GDPD1: variants seen among roughly 807,000 people sequenced by gnomAD.
The protein encoded by GDPD1 is lysophospholipase D GDPD1.
A neutral mutation model predicts 45.1 loss-of-function variants in GDPD1; 28 were observed. The ratio of observed to expected loss-of-function variants is 0.62; its 90% CI spans 0.46 to 0.85. The LOEUF (loss-of-function observed/expected upper bound fraction) is 0.85. GDPD1 is among the 40% of genes least tolerant of loss of function. The pLI is 0.00. For missense variants in GDPD1, 256 were observed against 364.8 expected (o/e 0.70, Z 2.43); for synonymous variants, 139 against 131.4 (o/e 1.06, Z -0.40).
chr17:59,255,743 C>CAAAAAAAAA (rs1174794003), intron 4 of GDPD1, among the ~76,000 whole-genome samples: 3 of 26,616 alleles, frequency 1.1e-4, no homozygotes, highest in African/African-American at 7.7e-4. Flanking sequence ...AACTCCGTCT[C>CAAAAAAAAA]AAAAAAAAAA....
intron 3 of GDPD1, among the ~76,000 whole-genome samples, chr17:59,246,345 T>C (rs2047210915): frequency 6.6e-6 from 1 of 150,906 alleles, no homozygotes; most frequent in Admixed American, 6.6e-5. Context: ...ATGGCCGGCC[T>C]CGGTGGCTCA....
chr17:59,239,364 G>A (rs1307475561), intron 2 of GDPD1, among the ~76,000 whole-genome samples: 2 of 151,896 alleles, frequency 1.3e-5, no homozygotes, highest in East Asian at 1.9e-4. Flanking sequence ...TTCTGGAAAT[G>A]TTGAAACCTT....
intron 4 of GDPD1, among the ~76,000 whole-genome samples, chr17:59,254,025 A>G (rs1048527874): frequency 6.7e-6 from 1 of 150,090 alleles, no homozygotes; most frequent in East Asian, 2.0e-4. Context: ...ATTCAAGGCC[A>G]ACCTGGCCAA....
chr17:59,270,492 C>A (rs1235643384), intron 7 of GDPD1, among the ~76,000 whole-genome samples: 2 of 152,024 alleles, frequency 1.3e-5, no homozygotes, highest in African/African-American at 2.4e-5. Flanking sequence ...AGCCACCATG[C>A]CTGGCCTACA....
Position 59,234,506 on chromosome 17 carries a change from T to C in GDPD1, c.157T>C (p.Leu53=). The C allele has an allele frequency of 6.2e-7, 1 of 1,600,986 alleles. No homozygotes were observed. Among genetic ancestry groups the C allele is most frequent in the South Asian group, 1.1e-5 (1 of 89,944 alleles). ...ISHRGGAGEN[L]ENTMAAFQHA... is the part of the protein sequence containing the mutation. ...AATTTTCACAGGTGCTGGAGAAAATTTGGAGAATACAATGGCAGCCTTTCA... is the reference window on the plus strand; with the variant it reads ...AATTTTCACAGGTGCTGGAGAAAATCTGGAGAATACAATGGCAGCCTTTCA... Residue 53 remains leucine, a synonymous_variant, in exon 2 of 10, where the codon TTG becomes CTG. Coordinates refer to ENST00000284116, the MANE Select transcript of GDPD1 (RefSeq NM_182569.4).
rs1052080817 is a variant in GDPD1, at chr17:59,275,816, A to C, written c.*2043A>C. ...AGATTGTGAGGTAAATGTAATCTGG[A>C]ATAATAAGTGTCTTTTACCTAGATT... On this transcript the variant is annotated 3_prime_UTR_variant, in exon 10 of 10. Transcript: ENST00000284116. 5 of 152,316 alleles carry C rather than the reference A, an allele frequency of 3.3e-5. No homozygotes were observed. Among genetic ancestry groups the C allele is most frequent in the African/African-American group, 1.2e-4 (5 of 41,450 alleles). 9.4% of individuals were successfully genotyped at this position (152,316 alleles called of 1,614,324 possible).
intron 1 of GDPD1, among the ~76,000 whole-genome samples, chr17:59,224,984 A>G (rs528622420): frequency 2.2e-4 from 34 of 152,188 alleles, no homozygotes; most frequent in Admixed American, 3.9e-4. Context: ...TTGCAAAAAT[A>G]TAAAACAATA....
intron 6 of GDPD1, among the ~76,000 whole-genome samples, chr17:59,261,940 C>T (rs1387295320): frequency 1.7e-5 from 1 of 59,746 alleles, no homozygotes; most frequent in East Asian, 5.1e-4. Flanking sequence ...TTTTTTGAGA[C>T]GGAGTCTCGC....
chr17:59,226,799 C>T (rs1430985457), intron 1 of GDPD1, among the ~76,000 whole-genome samples: 1 of 151,800 alleles, frequency 6.6e-6, no homozygotes, highest in African/African-American at 2.4e-5. Flanking sequence ...CTCAGCCTCC[C>T]GAGTAGTTGG....
At chr17:59,229,316 C>G (rs1174544369) in intron 1 of GDPD1, among the ~76,000 whole-genome samples, 1 of 118,910 alleles carries the variant, frequency 8.4e-6, no homozygotes, top group East Asian at 2.4e-4. Flanking sequence ...CCATGCCTGG[C>G]TAAATTTTTT....
rs370740206 is a variant in GDPD1, at chr17:59,220,623, C to T, written c.14C>T (p.Ala5Val). ...ACGGTGACTGAGATGTCGTCCACTG[C>T]GGCTTTTTACCTTCTCTCTACGCTA... is the stretch of plus-strand genomic sequence containing the variant. MSST[A>V]AFYLLSTLGG... The change falls in exon 1 of 10, where the codon GCG (alanine) becomes GTG (valine). Residue 5 changes from alanine (A) to valine (V), a missense_variant. By Grantham distance (64) the Ala-to-Val change is moderately conservative. Transcript: ENST00000284116. 2.5e-6 allele frequency: 4 copies of T among 1,613,524 alleles called. No individual in the cohort carries two copies. Among genetic ancestry groups the T allele is most frequent in the African/African-American group, 1.3e-5 (1 of 74,922 alleles).
At chr17:59,242,265 G>T (rs1386886252) in intron 2 of GDPD1, among the ~76,000 whole-genome samples, 1 of 152,178 alleles carries the variant, frequency 6.6e-6, no homozygotes, top group Non-Finnish European at 1.5e-5. Context: ...GTTTTCCCAT[G>T]TTGGCCAGGC....
In GDPD1 at chr17:59,248,167, G is replaced by A. The variant is rs964421525; in HGVS notation, c.322-573G>A. Among the ~76,000 whole-genome samples, 57 of 152,014 alleles carry A rather than the reference G, an allele frequency of 3.7e-4. 1 individual carries two copies. Among genetic ancestry groups the A allele is most frequent in the Admixed American group, 3.3e-3 (50 of 15,220 alleles). ...AGTCCCAGTGCTTTTGGAGGCTGAG[G>A]CTTGCCAAAAGAAGGCCTCCCAAAA... On this transcript the variant is annotated intron_variant, in intron 3 of 9. Coordinates refer to ENST00000284116, the MANE Select transcript of GDPD1 (RefSeq NM_182569.4).
intron 7 of GDPD1, among the ~76,000 whole-genome samples, chr17:59,269,484 C>A (rs1043066460): frequency 6.8e-6 from 1 of 147,338 alleles, no homozygotes; most frequent in African/African-American, 2.5e-5. Flanking sequence ...TACCCCCCCC[C>A]CCAAAAAACA....
At chr17:59,269,809 C>T (rs1481480520) in intron 7 of GDPD1, among the ~76,000 whole-genome samples, 1 of 152,060 alleles carries the variant, frequency 6.6e-6, no homozygotes, top group East Asian at 1.9e-4. Context: ...GGTGACAGAG[C>T]AAGACTCTGC....
chr17:59,267,450 A>G (rs1833375114), intron 7 of GDPD1, among the ~76,000 whole-genome samples: 2 of 152,170 alleles, frequency 1.3e-5, no homozygotes, highest in Non-Finnish European at 2.9e-5. Flanking sequence ...TAATTATTTT[A>G]TTCTCACATC....
At chr17:59,222,039 ATTGT>A (rs1310093604) in intron 1 of GDPD1, among the ~76,000 whole-genome samples, 1 of 152,140 alleles carries the variant, frequency 6.6e-6, no homozygotes, top group Admixed American at 6.6e-5. Flanking sequence ...ATGCCTTGTT[ATTGT>A]TTATTTGGGT....
intron 1 of GDPD1, among the ~76,000 whole-genome samples, chr17:59,227,941 G>T (rs1321388156): frequency 2.0e-5 from 3 of 152,122 alleles, no homozygotes; most frequent in Non-Finnish European, 2.9e-5. Context: ...AGGCCGAGGT[G>T]GGAGGATTGC....
chr17:59,270,312 G>A (rs747272086), intron 7 of GDPD1, among the ~76,000 whole-genome samples: 6 of 151,542 alleles, frequency 4.0e-5, no homozygotes, highest in African/African-American at 7.3e-5. Context: ...TCCTGTCTCC[G>A]GCTCCTGAGT....
Sources: allele counts gnomAD v4.1 joint callset (sites outside exome capture counted in the v4.1 genomes callset), GRCh38; gene constraint gnomAD v4.1.1; transcripts MANE v1.5; gene names NCBI Gene and HGNC (gene_info 2026-07-23, HGNC 2026-07-21).